The following FMN2 variants were observed in gnomAD, a reference collection of about 807,000 sequenced individuals.
FMN2 encodes the protein formin-2.
In FMN2, 51 loss-of-function variants were observed where a neutral mutation model predicts 142.3. That is an observed-to-expected ratio of 0.36 (90% CI 0.29 to 0.45). FMN2 has a LOEUF of 0.45. Among genes scored for constraint, FMN2 ranks in the 20% least tolerant of loss-of-function variants. The pLI is 1.00. For synonymous variants in FMN2, 882 were observed against 869.8 expected (o/e 1.01, Z -0.25); for missense variants, 1,936 against 2,122.8 (o/e 0.91, Z 1.73).
At chr1:240,369,860 C>T (rs940043955) in intron 14 of FMN2, among the ~76,000 whole-genome samples, 1 of 152,122 alleles carries the variant, frequency 6.6e-6, no homozygotes, top group Non-Finnish European at 1.5e-5. Context: ...CCTTGCCTTG[C>T]ATGTTAGGAT....
intron 16 of FMN2, among the ~76,000 whole-genome samples, chr1:240,470,889 CAAT>C (rs1676785915): frequency 6.6e-6 from 1 of 151,134 alleles, no homozygotes; most frequent in African/African-American, 2.4e-5. Flanking sequence ...TTAATTAAAA[CAAT>C]AATAAATTTT....
chr1:240,112,414 G>A (rs1027497798), intron 1 of FMN2, among the ~76,000 whole-genome samples: 4 of 152,106 alleles, frequency 2.6e-5, no homozygotes, highest in Non-Finnish European at 2.9e-5. Flanking sequence ...ACAGGCGTGA[G>A]CCACTGCATC....
chr1:240,296,604 C>G (rs182567887), intron 8 of FMN2, among the ~76,000 whole-genome samples: 119 of 151,886 alleles, frequency 7.8e-4, no homozygotes, highest in African/African-American at 2.0e-3. Context: ...GGGCAGGATG[C>G]AGACTCTGTT....
chr1:240,354,384 G>A (rs1438424965), intron 13 of FMN2, among the ~76,000 whole-genome samples: 2 of 152,198 alleles, frequency 1.3e-5, no homozygotes, highest in Admixed American at 6.5e-5. Context: ...TGTAGGTCAG[G>A]TGGTGGCACC....
At chr1:240,205,636 T>C in intron 4 of FMN2, among the ~76,000 whole-genome samples, 1 of 151,412 alleles carries the variant, frequency 6.6e-6, no homozygotes, top group Admixed American at 6.6e-5. Context: ...TAATTTTTTG[T>C]ATTTTTAGTA....
At chr1:240,294,597 A>G (rs1669903689) in intron 7 of FMN2, among the ~76,000 whole-genome samples, 1 of 152,148 alleles carries the variant, frequency 6.6e-6, no homozygotes, top group African/African-American at 2.4e-5. Flanking sequence ...TGCCTGGGCC[A>G]TTTTCATGGG....
At chr1:240,217,065 C>T (rs1472092566) in intron 6 of FMN2, among the ~76,000 whole-genome samples, 1 of 152,146 alleles carries the variant, frequency 6.6e-6, no homozygotes, top group Non-Finnish European at 1.5e-5. Context: ...TTACGGGAAG[C>T]AGTAATTGCC....
At chr1:240,422,978 G>A (rs1572418) in intron 15 of FMN2, among the ~76,000 whole-genome samples, 120,932 of 152,010 alleles carry the variant, frequency 0.8, 48,327 homozygotes, top group Middle Eastern at 0.87. Context: ...TCTAAGAGCA[G>A]TTGGCTGCTC....
At chr1:240,182,919 CTTT>C (rs66527453) in intron 3 of FMN2, among the ~76,000 whole-genome samples, 11 of 138,318 alleles carry the variant, frequency 8.0e-5, no homozygotes, top group African/African-American at 8.0e-5. Context: ...CTTTTCTTTT[CTTT>C]TTTTTTTTTT....
At chr1:240,192,838 G>T (rs983466061) in intron 4 of FMN2, among the ~76,000 whole-genome samples, 1 of 81,506 alleles carries the variant, frequency 1.2e-5, no homozygotes, top group African/African-American at 8.1e-5. Flanking sequence ...GAGAAAGAAA[G>T]GATTTTTTTT....
At chr1:240,201,470 T>C (rs1666119149) in intron 4 of FMN2, among the ~76,000 whole-genome samples, 1 of 152,204 alleles carries the variant, frequency 6.6e-6, no homozygotes, top group African/African-American at 2.4e-5. Context: ...GTGACAGATG[T>C]ATTTAAAAAA....
At chr1:240,179,457 A>T (rs368927087) in intron 3 of FMN2, 2 of 152,212 alleles carry the variant, frequency 1.3e-5, no homozygotes, top group Admixed American at 6.5e-5. Context: ...TTTGATATTC[A>T]CTAGGTGGGC....
At chr1:240,386,818 C>G (rs1327909867) in intron 14 of FMN2, among the ~76,000 whole-genome samples, 1 of 152,166 alleles carries the variant, frequency 6.6e-6, no homozygotes, top group Non-Finnish European at 1.5e-5. Flanking sequence ...CCGATGGTCT[C>G]TTTGGTAGGA....
intron 14 of FMN2, among the ~76,000 whole-genome samples, chr1:240,365,616 T>C (rs904656029): frequency 5.9e-5 from 9 of 152,218 alleles, no homozygotes; most frequent in African/African-American, 1.9e-4. Flanking sequence ...TTAGGTTTTA[T>C]AGAGTCACTG....
chr1:240,251,881 C>A (rs142767050), intron 6 of FMN2, among the ~76,000 whole-genome samples: 127 of 152,144 alleles, frequency 8.3e-4, no homozygotes, highest in African/African-American at 3.0e-3. Flanking sequence ...CAAGTCATTT[C>A]CTTAATTGAT....
chr1:240,325,581 CT>C (rs1671147299), intron 8 of FMN2, among the ~76,000 whole-genome samples: 1 of 148,020 alleles, frequency 6.8e-6, no homozygotes, highest in Non-Finnish European at 1.5e-5. Flanking sequence ...ACACATGGGG[CT>C]TTTATAGTTA....
chr1:240,431,718 C>T (rs1254216602), intron 15 of FMN2, among the ~76,000 whole-genome samples: 1 of 151,362 alleles, frequency 6.6e-6, no homozygotes, highest in Non-Finnish European at 1.5e-5. Flanking sequence ...TTTATACTTA[C>T]TAAAATTATA....
At chr1:240,228,344 AGAAAAAGAAAG>A (rs1558380597) in intron 6 of FMN2, among the ~76,000 whole-genome samples, 14 of 79,024 alleles carry the variant, frequency 1.8e-4, no homozygotes, top group African/African-American at 7.4e-4. Flanking sequence ...AAAAAGAAAA[AGAAAAAGAAAG>A]AAAAAAAATG....
chr1:240,232,462 G>A (rs989147296), intron 6 of FMN2, among the ~76,000 whole-genome samples: 3 of 152,002 alleles, frequency 2.0e-5, no homozygotes, highest in Admixed American at 1.3e-4. Flanking sequence ...TTTCATACAC[G>A]TATACTTTAA....
Sources: gnomAD v4.1 joint callset for allele counts (sites outside exome capture counted in the v4.1 genomes callset) on GRCh38, gnomAD v4.1.1 for gene constraint, MANE v1.5 for transcripts, NCBI Gene and HGNC (gene_info 2026-07-23, HGNC 2026-07-21) for gene names.